Variants in MRPL48 observed in about 807,000 individuals in gnomAD.
MRPL48 encodes mitochondrial ribosomal protein L48.
Under a neutral mutation model 32.9 loss-of-function variants are expected in MRPL48, and 16 were observed. The observed-to-expected ratio is 0.49, with a 90% CI of 0.33 to 0.74. The LOEUF is 0.74. MRPL48 is among the 30% of genes least tolerant of loss of function. The probability of loss-of-function intolerance (pLI) is 0.02; values close to 1 mark genes in which losing one functional copy is unlikely to be tolerated. For synonymous variants in MRPL48, 94 were observed against 89.2 expected, an observed-to-expected ratio of 1.05 and a Z score of -0.31; for missense variants, 206 against 245.3, an observed-to-expected ratio of 0.84 and a Z score of 1.07.
At chr11:73,816,692 G>A (rs1417683969) in intron 3 of MRPL48, among the ~76,000 whole-genome samples, 1 of 151,060 alleles carries the variant, frequency 6.6e-6, no homozygotes, top group African/African-American at 2.4e-5. Flanking sequence ...TCGAACTCCC[G>A]ACCTTAGGTG....
At chr11:73,793,257 G>T (rs541349971) in intron 1 of MRPL48, among the ~76,000 whole-genome samples, 1 of 152,262 alleles carries the variant, frequency 6.6e-6, no homozygotes, top group Admixed American at 6.5e-5. Context: ...TAGAGATGGG[G>T]TTTCTCCATG....
At chr11:73,852,280 A>G (rs146172127) in intron 5 of MRPL48, among the ~76,000 whole-genome samples, 2 of 150,110 alleles carry the variant, frequency 1.3e-5, no homozygotes, top group Admixed American at 6.7e-5. Context: ...TTGAAATAAT[A>G]TGTGGTTAAG....
At chr11:73,812,693 C>T (rs1236003040) in intron 3 of MRPL48, among the ~76,000 whole-genome samples, 5 of 146,602 alleles carry the variant, frequency 3.4e-5, no homozygotes, top group African/African-American at 1.0e-4. Flanking sequence ...CTAGCCTGGG[C>T]GACAGAGCAG....
intron 5 of MRPL48, among the ~76,000 whole-genome samples, chr11:73,849,274 T>C (rs993663585): frequency 1.3e-5 from 2 of 151,940 alleles, no homozygotes; most frequent in African/African-American, 4.8e-5. Context: ...GTAGCTGAGA[T>C]TACAGATGTT....
chr11:73,851,840 C>T (rs1313045638), intron 5 of MRPL48, among the ~76,000 whole-genome samples: 3 of 151,782 alleles, frequency 2.0e-5, no homozygotes, highest in African/African-American at 4.8e-5. Flanking sequence ...ATTGATTGAG[C>T]CTCTTCTTGC....
intron 4 of MRPL48, among the ~76,000 whole-genome samples, chr11:73,835,140 C>CTTT (rs35448499): frequency 0.19 from 20,131 of 108,222 alleles, 2,516 homozygotes; most frequent in South Asian, 0.36. Flanking sequence ...GCCATGTTGT[C>CTTT]TTTTTTTTTT....
At chr11:73,851,759 A>G (rs1948394269) in intron 5 of MRPL48, among the ~76,000 whole-genome samples, 1 of 137,696 alleles carries the variant, frequency 7.3e-6, no homozygotes, top group South Asian at 2.3e-4. Context: ...AAATATCACT[A>G]TACAATCCAG....
At chr11:73,812,756 T>A (rs968098503) in intron 3 of MRPL48, among the ~76,000 whole-genome samples, 5 of 139,950 alleles carry the variant, frequency 3.6e-5, no homozygotes, top group African/African-American at 8.2e-5. Context: ...TTATTTATTT[T>A]TTATTGTTTT....
chr11:73,854,509 G>C (rs12421077), intron 5 of MRPL48, among the ~76,000 whole-genome samples: 12,985 of 151,958 alleles, frequency 0.085, 662 homozygotes, highest in South Asian at 0.26. Flanking sequence ...CTGGTCTCAA[G>C]CTCCTGACCT....
At chr11:73,799,858 G>T (rs1947324940) in intron 1 of MRPL48, among the ~76,000 whole-genome samples, 1 of 152,118 alleles carries the variant, frequency 6.6e-6, no homozygotes, top group Admixed American at 6.5e-5. Context: ...TATAGCAGGT[G>T]CTCAGTAAAT....
At chr11:73,800,748 C>G (rs965833902) in intron 1 of MRPL48, among the ~76,000 whole-genome samples, 4 of 151,556 alleles carry the variant, frequency 2.6e-5, no homozygotes, top group Non-Finnish European at 5.9e-5. Context: ...CAGAGCTGAC[C>G]GGGAGAGTTC....
chr11:73,837,282 A>C (rs1948120592), intron 4 of MRPL48, among the ~76,000 whole-genome samples: 1 of 152,200 alleles, frequency 6.6e-6, no homozygotes, highest in Admixed American at 6.5e-5. Flanking sequence ...CTGCAGACTC[A>C]GCTTCCAGTT....
At chr11:73,857,587 C>CTTTT (rs56265503) in intron 5 of MRPL48, among the ~76,000 whole-genome samples, 27 of 88,660 alleles carry the variant, frequency 3.0e-4, no homozygotes, top group African/African-American at 6.4e-4. Flanking sequence ...GCCGCATAGA[C>CTTTT]TTTTTTTTTT....
At chr11:73,859,173 A>G (rs1386593118) in intron 5 of MRPL48, among the ~76,000 whole-genome samples, 1 of 152,208 alleles carries the variant, frequency 6.6e-6, no homozygotes, top group East Asian at 1.9e-4. Flanking sequence ...CTGTTCTAGA[A>G]CAGTTAATTT....
intron 3 of MRPL48, among the ~76,000 whole-genome samples, chr11:73,822,330 G>T (rs1261686311): frequency 6.6e-6 from 1 of 152,092 alleles, no homozygotes; most frequent in East Asian, 1.9e-4. Flanking sequence ...CTTCCTCTGA[G>T]CACCTATGAC....
rs184703109 is a variant in MRPL48, at chr11:73,815,377, G to A, written c.112+7027G>A. The stretch of plus-strand genomic sequence containing the variant: ...TGCGGTGAGCCGAGACCACGCCATC[G>A]CACTCTAGCCTGGGCAACGAGAGCG... On this transcript the variant is annotated intron_variant, in intron 3 of 7. Transcript: ENST00000310614. 3.1e-3 allele frequency among the ~76,000 whole-genome samples: 465 copies of A among 152,076 alleles called. 4 individuals are homozygous for A. The highest frequency in any genetic ancestry group is 0.01 in the African/African-American group (426 of 41,458).
chr11:73,808,923 C>CAA (rs879556778), intron 3 of MRPL48, among the ~76,000 whole-genome samples: 4 of 126,686 alleles, frequency 3.2e-5, no homozygotes, highest in African/African-American at 5.7e-5. Context: ...GACTTCATCT[C>CAA]AAAAAAAAAA....
intron 5 of MRPL48, among the ~76,000 whole-genome samples, chr11:73,854,569 G>C (rs983415381): frequency 1.3e-5 from 2 of 152,192 alleles, no homozygotes; most frequent in East Asian, 3.8e-4. Flanking sequence ...TTACAGGTAT[G>C]AGCCACCGTG....
rs190535956 is a variant in MRPL48, at chr11:73,799,996, G to A, written c.22-5031G>A. ...TTTGGATTCAGGCAGACCTGGGTTT[G>A]AATTTCTCTTACCAAACCTATAACT... On this transcript the variant is annotated intron_variant, in intron 1 of 7. Transcript: ENST00000310614. Among the ~76,000 whole-genome samples the A allele has an allele frequency of 5.9e-5, 9 of 152,242 alleles. No homozygotes were observed. The East Asian group carries it at 1.7e-3, about 29-fold the overall frequency.
Sources: gnomAD v4.1 joint callset for allele counts (sites outside exome capture counted in the v4.1 genomes callset) on GRCh38, gnomAD v4.1.1 for gene constraint, MANE v1.5 for transcripts, NCBI Gene and HGNC (gene_info 2026-07-23, HGNC 2026-07-21) for gene names.